LARP1: variants seen among roughly 807,000 people sequenced by gnomAD.
LARP1 encodes the protein la-related protein 1.
LARP1 carries 36 observed loss-of-function variants against 122.7 expected under a neutral mutation model. The ratio of observed to expected loss-of-function variants is 0.29; its 90% confidence interval spans 0.22 to 0.39. The LOEUF (loss-of-function observed/expected upper bound fraction) is 0.39, where lower values mean the gene tolerates loss of function less well. Among genes scored for constraint, LARP1 ranks in the 10% least tolerant of loss-of-function variants. The pLI is 1.00. For synonymous variants in LARP1, 539 were observed against 528.7 expected (o/e 1.02, Z -0.27); for missense variants, 1,040 against 1,403.6 (o/e 0.74, Z 4.14).
chr5:154,793,781 G>A lies in LARP1; in HGVS notation c.869-19G>A. 2 of 1,614,142 alleles carry A rather than the reference G, an allele frequency of 1.2e-6. No homozygotes were observed. The highest frequency in any genetic ancestry group is 1.7e-6 in the Non-Finnish European group (2 of 1,180,000). ...TGGGAGACACCCTCAGGCCTGACCT[G>A]GTACCCCTCTCCCCATAGGGTCTGA... On this transcript the variant is annotated intron_variant, in intron 5 of 18. Transcript: ENST00000518297.
chr5:154,790,559 C>CTGAT, intron 2 of LARP1, 86 bp from the exon 3 acceptor site: 4 of 1,483,224 alleles, frequency 2.7e-6, no homozygotes, highest in Non-Finnish European at 3.8e-6. Flanking sequence ...GATTTGGCCT[C>CTGAT]TGATCTCTTG....
upstream of LARP1, among the ~76,000 whole-genome samples, chr5:154,750,650 C>A (rs1753437426): frequency 6.6e-6 from 1 of 152,120 alleles, no homozygotes; most frequent in South Asian, 2.1e-4. Flanking sequence ...CTTTGTTGCC[C>A]AGGCTAGGGT....
chr5:154,776,859 C>G (rs1755930229), intron 1 of LARP1, among the ~76,000 whole-genome samples: 1 of 152,208 alleles, frequency 6.6e-6, no homozygotes. Flanking sequence ...GGGAGTCACT[C>G]AGTTTAGTAA....
rs1352022699 is a variant in LARP1, at chr5:154,789,256, G to A, written c.437-1069G>A. On this transcript the variant is annotated intron_variant, in intron 1 of 18. Transcript: ENST00000518297. ...TTTTTTTTTGAGACAGTCTTGCTCC[G>A]TCGCCCAGGCTGGAGTGCAATGACG... Among the ~76,000 whole-genome samples the A allele has an allele frequency of 2.6e-4, 31 of 118,446 alleles. 1 individual carries two copies. The highest frequency in any genetic ancestry group is 5.3e-4 in the South Asian group (2 of 3,804). 77.7% of individuals were successfully genotyped at this position (118,446 alleles called of 152,430 possible).
upstream of LARP1, among the ~76,000 whole-genome samples, chr5:154,755,288 C>A (rs1260222925): frequency 6.8e-6 from 1 of 148,010 alleles, no homozygotes; most frequent in Admixed American, 6.7e-5. Context: ...GTCCCCTCCC[C>A]TCGCCCGCCG....
intron 1 of LARP1, among the ~76,000 whole-genome samples, chr5:154,764,791 G>C (rs1040977785): frequency 2.0e-5 from 3 of 150,818 alleles, no homozygotes; most frequent in Non-Finnish European, 4.4e-5. Flanking sequence ...TGTAATCCCA[G>C]CTACTTGGGA....
chr5:154,810,650 G>A (rs188023258), intron 16 of LARP1, among the ~76,000 whole-genome samples: 266 of 151,876 alleles, frequency 1.8e-3, no homozygotes, highest in African/African-American at 5.9e-3. Flanking sequence ...ACCACACCTG[G>A]CTAATTTTTG....
At chr5:154,764,937 C>T (rs1289912440) in intron 1 of LARP1, among the ~76,000 whole-genome samples, 1 of 151,764 alleles carries the variant, frequency 6.6e-6, no homozygotes, top group South Asian at 2.1e-4. Flanking sequence ...CAAAAAAAAC[C>T]TATGTCCAGA....
chr5:154,801,972 G>C (rs371243190), intron 10 of LARP1, 35 bp from the exon 11 acceptor site: 105 of 1,568,582 alleles, frequency 6.7e-5, no homozygotes, highest in Non-Finnish European at 8.6e-5. Flanking sequence ...AGGATCTCTG[G>C]TGATTCCTTT....
chr5:154,721,169 C>T (rs1236230347), intron 1 of LARP1, among the ~76,000 whole-genome samples: 1 of 151,774 alleles, frequency 6.6e-6, no homozygotes, highest in Admixed American at 6.6e-5. Context: ...ATAGTGCAAC[C>T]TCGTCTCTAA....
intron 14 of LARP1, 101 bp from the exon 15 acceptor site, chr5:154,805,780 A>G: frequency 7.9e-7 from 1 of 1,262,146 alleles, no homozygotes; most frequent in Non-Finnish European, 1.1e-6. Context: ...ACCCTGTGAG[A>G]GGATGGATCT....
chr5:154,726,928 G>A (rs1029612335), intron 1 of LARP1, among the ~76,000 whole-genome samples: 2 of 152,166 alleles, frequency 1.3e-5, no homozygotes, highest in Admixed American at 6.5e-5. Flanking sequence ...AGACTCACTC[G>A]TTATCACGAG....
chr5:154,730,443 T>C (rs908591039), intron 1 of LARP1, among the ~76,000 whole-genome samples: 25 of 151,744 alleles, frequency 1.6e-4, no homozygotes, highest in Admixed American at 3.3e-4. Context: ...CTTAAATGTA[T>C]AGCTTGATAG....
At chr5:154,750,681 C>G (rs1283969936), upstream of LARP1, among the ~76,000 whole-genome samples, 2 of 152,174 alleles carry the variant, frequency 1.3e-5, no homozygotes, top group Admixed American at 6.6e-5. Context: ...AATCACAGCT[C>G]ACTGCAGCCT....
chr5:154,706,791 G>C (rs1754973233), intron 1 of LARP1, among the ~76,000 whole-genome samples: 1 of 151,208 alleles, frequency 6.6e-6, no homozygotes, highest in African/African-American at 2.4e-5. Context: ...AATAAAGTAG[G>C]GACTTGTCTA....
chr5:154,742,752 GAAAA>G (rs869285192), intron 1 of LARP1, among the ~76,000 whole-genome samples: 62 of 149,766 alleles, frequency 4.1e-4, no homozygotes, highest in Non-Finnish European at 7.7e-4. Context: ...AAAGAAAAAA[GAAAA>G]AAGAAAAAAA....
At chr5:154,760,222 C>G (rs1186900756) in intron 1 of LARP1, among the ~76,000 whole-genome samples, 1 of 152,164 alleles carries the variant, frequency 6.6e-6, no homozygotes, top group South Asian at 2.1e-4. Flanking sequence ...GGATTACAGG[C>G]GTGAGCCACC....
Position 154,792,772 on chromosome 5 carries a change from C to T in LARP1, c.715C>T (p.Gln239Ter). ...GGAAAAGAATGGAGATGAGGATTGC[C>T]AGCGAGGCGGGCAGAAGAAGAAAGG... Reference protein sequence around the residue: ...GEEKNGDEDCQRGGQKKKGNK... With the variant: ...GEEKNGDEDC Residue 239 changes from glutamine (Q) to a stop codon, truncating the protein, a stop_gained, in exon 4 of 19, where the codon CAG (glutamine) becomes TAG (stop). Coordinates refer to ENST00000518297, the MANE Select transcript of LARP1 (RefSeq NM_033551.3). LOFTEE classifies it high-confidence loss of function. 1 of 1,614,068 alleles carries T rather than the reference C, an allele frequency of 6.2e-7. No individual in the cohort carries two copies. Among genetic ancestry groups the T allele is most frequent in the Non-Finnish European group, 8.5e-7 (1 of 1,179,992 alleles).
At chr5:154,689,666 CTGTT>C (rs1396082896) in intron 1 of LARP1, among the ~76,000 whole-genome samples, 2 of 151,740 alleles carry the variant, frequency 1.3e-5, no homozygotes, top group East Asian at 1.9e-4. Context: ...AACATTTTGC[CTGTT>C]TGTTTCCTTC....
Sources: allele counts gnomAD v4.1 joint callset (sites outside exome capture counted in the v4.1 genomes callset), GRCh38; gene constraint gnomAD v4.1.1; transcripts MANE v1.5; gene names NCBI Gene and HGNC (gene_info 2026-07-23, HGNC 2026-07-21).